TGM7: variants seen among roughly 807,000 people sequenced by gnomAD.
TGM7 encodes protein-glutamine gamma-glutamyltransferase Z.
TGM7 carries 74 observed loss-of-function variants against 79.5 expected under a neutral mutation model. The observed-to-expected ratio is 0.93, with a 90% CI of 0.77 to 1.13. The LOEUF (loss-of-function observed/expected upper bound fraction) is 1.13, where lower values mean the gene tolerates loss of function less well. TGM7 is among the 50% of genes most tolerant of loss of function. TGM7 has a pLI of 0.00. For synonymous variants in TGM7, 354 were observed against 362.5 expected (o/e 0.98, Z 0.27); for missense variants, 912 against 905.9 (o/e 1.01, Z -0.09).
intron 7 of TGM7, among the ~76,000 whole-genome samples, chr15:43,284,557 A>G (rs2042925347): frequency 6.6e-6 from 1 of 152,252 alleles, no homozygotes; most frequent in South Asian, 2.1e-4. Context: ...GTCAGTGTTC[A>G]GAAGACGCCC....
At chr15:43,300,343 G>A (rs1016109925) in intron 1 of TGM7, among the ~76,000 whole-genome samples, 5 of 152,240 alleles carry the variant, frequency 3.3e-5, no homozygotes, top group African/African-American at 1.2e-4. Flanking sequence ...GCAAAGTTAA[G>A]TAACTTGGCC....
intron 10 of TGM7, 82 bp from the exon 11 acceptor site, chr15:43,279,359 T>C (rs775978122): frequency 2.6e-5 from 38 of 1,480,988 alleles, no homozygotes; most frequent in Non-Finnish European, 3.4e-5. Context: ...GAGGAAAAAT[T>C]AGAATTTTCA....
rs1328683597 is a variant in TGM7, at chr15:43,287,539, A to G, written c.687+2T>C. On this transcript the variant is annotated splice_donor_variant, in intron 5 of 12. Transcript: ENST00000452443. LOFTEE classifies it high-confidence loss of function. Reference sequence around the variant, plus strand: ...CAGACGGCGGGAAGCATCCATCCTTACCATGGCACTCACCACCCTGCACAC... The same window carrying G: ...CAGACGGCGGGAAGCATCCATCCTTGCCATGGCACTCACCACCCTGCACAC... 2 of 1,613,386 alleles carry G rather than the reference A, an allele frequency of 1.2e-6. No homozygotes were observed. The highest frequency in any genetic ancestry group is 2.7e-5 in the African/African-American group (2 of 74,888).
intron 9 of TGM7, 56 bp from the exon 10 acceptor site, chr15:43,280,007 G>A (rs1001649116): frequency 6.5e-7 from 1 of 1,535,458 alleles, no homozygotes. Flanking sequence ...GAGGACCAGT[G>A]ACTTTCCTGG....
chr15:43,277,064 C>T, intron 11 of TGM7, 69 bp from the exon 12 acceptor site: 1 of 1,574,280 alleles, frequency 6.4e-7, no homozygotes, highest in Non-Finnish European at 8.6e-7. Context: ...TCAGTTACCC[C>T]CACCCCCAGG....
At chr15:43,282,699 A>T (rs1207917958) in intron 7 of TGM7, 79 bp from the exon 8 acceptor site, 1 of 1,079,262 alleles carries the variant, frequency 9.3e-7, no homozygotes, top group African/African-American at 1.6e-5. Context: ...GGAGTGATTT[A>T]TATCATTGTT....
At position 43,287,292 on chromosome 15, in the gene TGM7, C is replaced by G; in HGVS notation, c.853G>C (p.Val285Leu). 1.2e-6 allele frequency: 2 copies of G among 1,613,268 alleles called. No homozygotes were observed. Among genetic ancestry groups the G allele is most frequent in the Non-Finnish European group, 1.7e-6 (2 of 1,179,952 alleles). ...ATCTTTCGCTCACCGGTGCACATAA[C>G]AGAGGCGAAGACCCAGCACTGTCCG... ...KYGQCWVFAS[V>L]MCTVMRCLGV... Residue 285 changes from valine (V) to leucine (L), a missense_variant, in exon 6 of 13, where the codon GTT becomes CTT. Physicochemically the swap from Val to Leu is conservative, Grantham distance 32. Coordinates refer to ENST00000452443, the MANE Select transcript of TGM7 (RefSeq NM_052955.3).
At chr15:43,282,646 G>A (rs1418416334) in intron 7 of TGM7, 26 bp from the exon 8 acceptor site, 6 of 1,560,688 alleles carry the variant, frequency 3.8e-6, no homozygotes. Flanking sequence ...AGGAGACAAG[G>A]ATTCATGTTA....
At chr15:43,279,026 T>C in intron 11 of TGM7, 91 bp downstream of exon 11, 2 of 1,393,554 alleles carry the variant, frequency 1.4e-6, no homozygotes, top group South Asian at 1.4e-5. Flanking sequence ...TGGTGAGAGG[T>C]GGGAACAGTG....
chr15:43,283,896 T>C (rs2042921665), intron 7 of TGM7, among the ~76,000 whole-genome samples: 1 of 152,194 alleles, frequency 6.6e-6, no homozygotes, highest in African/African-American at 2.4e-5. Context: ...AGCAGGTAGT[T>C]CTTACACAAC....
chr15:43,287,757 G>T, intron 4 of TGM7, 88 bp from the exon 5 acceptor site: 2 of 1,498,922 alleles, frequency 1.3e-6, no homozygotes, highest in Non-Finnish European at 1.8e-6. Context: ...TTTGGGGATG[G>T]CATGTATATG....
chr15:43,281,488 C>T lies in TGM7; in HGVS notation c.1351+356G>A, dbSNP rs530195093. Reference sequence around the variant, plus strand: ...TATTTTTAGTATAGTACATCCCATGCACTATTTGGAACATACTTATATATT... The same window carrying T: ...TATTTTTAGTATAGTACATCCCATGTACTATTTGGAACATACTTATATATT... On this transcript the variant is annotated intron_variant, in intron 9 of 12. Transcript: ENST00000452443. 2.0e-5 allele frequency among the ~76,000 whole-genome samples: 3 copies of T among 152,344 alleles called. No individual in the cohort carries two copies. The South Asian group carries it at 6.2e-4, about 32-fold the overall frequency.
chr15:43,302,109 G>T (rs79042533), intron 1 of TGM7, 132 bp downstream of exon 1: 26 of 1,014,610 alleles, frequency 2.6e-5, no homozygotes, highest in East Asian at 2.4e-5. Context: ...AGAAGGAGCC[G>T]TATTGCACAA....
rs374166992 is a variant in TGM7 at position 43,276,910 on chromosome 15, G to C, written c.1925C>G (p.Thr642Arg). ...NTLMVALSSC[T>R]MVLEGSGLIN... ...GAGGCCGCTTCCTTCCAGCACCATC[G>C]TGCAGCTGCTCAGAGCCACCATTAA... Residue 642 changes from threonine (T) to arginine (R), a missense_variant, in exon 12 of 13, where the codon ACG (threonine) becomes AGG (arginine). Transcript: ENST00000452443. 2.4e-5 allele frequency: 38 copies of C among 1,613,998 alleles called. No individual in the cohort carries two copies. The highest frequency in any genetic ancestry group is 3.1e-5 in the Non-Finnish European group (37 of 1,180,022).
In TGM7 at chr15:43,294,349, T is replaced by C. The variant is rs528630367; in HGVS notation, c.11-718A>G. On this transcript the variant is annotated intron_variant, in intron 1 of 12. Transcript: ENST00000452443. ...TGGTTGTAAAACTCTCATAGCACAG[T>C]AGGCAGTGGGCAGGTTCTGGACTGA... Among the ~76,000 whole-genome samples the C allele has an allele frequency of 2.0e-5, 3 of 152,330 alleles. No individual in the cohort carries two copies. The South Asian group carries it at 6.2e-4, about 32-fold the overall frequency.
intron 4 of TGM7, among the ~76,000 whole-genome samples, chr15:43,288,747 C>G (rs554934940): frequency 6.6e-6 from 1 of 151,970 alleles, no homozygotes; most frequent in Non-Finnish European, 1.5e-5. Context: ...CTGGCCAACA[C>G]GGTGAAACCC....
rs373826274 is a variant in TGM7 at position 43,293,642 on chromosome 15, G to C, written c.11-11C>G. On this transcript the variant is annotated splice_polypyrimidine_tract_variant and intron_variant, in intron 1 of 12. Transcript: ENST00000452443. ...GCCGCAAGGTTGCCACTAGGGGAGA[G>C]GAGGGGACAGGTCACGCCCACCTGC... 6.3e-7 allele frequency: 1 copy of C among 1,590,966 alleles called. No individual in the cohort carries two copies. The highest frequency in any genetic ancestry group is 8.5e-7 in the Non-Finnish European group (1 of 1,170,256).
chr15:43,286,248 G>A (rs2042935163), intron 6 of TGM7, among the ~76,000 whole-genome samples: 1 of 152,180 alleles, frequency 6.6e-6, no homozygotes, highest in South Asian at 2.1e-4. Flanking sequence ...AGCTCCCCCA[G>A]TGCGCAGTGG....
At chr15:43,279,559 C>T (rs2042895573) in intron 10 of TGM7, 66 bp downstream of exon 10, 6 of 1,504,066 alleles carry the variant, frequency 4.0e-6, no homozygotes, top group Non-Finnish European at 3.6e-6. Context: ...GGGCCCACCC[C>T]ACTGTGTTCA....
Sources: gnomAD v4.1 joint callset for allele counts (sites outside exome capture counted in the v4.1 genomes callset) on GRCh38, gnomAD v4.1.1 for gene constraint, MANE v1.5 for transcripts, NCBI Gene and HGNC (gene_info 2026-07-23, HGNC 2026-07-21) for gene names.